Variants in AOPEP observed in about 807,000 individuals in gnomAD.
AOPEP encodes the protein aminopeptidase O (putative), also known as aminopeptidase O.
A neutral mutation model predicts 98.1 loss-of-function variants in AOPEP; 77 were observed. That is an observed-to-expected ratio of 0.78 (90% confidence interval 0.65 to 0.95). AOPEP has a LOEUF of 0.95. Ranked by LOEUF, AOPEP falls within the 40% of genes least tolerant of loss-of-function variation. AOPEP has a pLI of 0.00. For missense variants in AOPEP, 1,024 were observed against 1,024.7 expected (o/e 1.00, Z 0.01); for synonymous variants, 346 against 365.3 (o/e 0.95, Z 0.60).
chr9:94,912,802 C>T (rs2052265551), intron 5 of AOPEP, among the ~76,000 whole-genome samples: 1 of 152,166 alleles, frequency 6.6e-6, no homozygotes, highest in Non-Finnish European at 1.5e-5. Context: ...AACCCGTGAG[C>T]ATGAGGGGCA....
intron 15 of AOPEP, among the ~76,000 whole-genome samples, chr9:95,081,740 G>A (rs1037440294): frequency 6.6e-6 from 1 of 152,192 alleles, no homozygotes; most frequent in South Asian, 2.1e-4. Context: ...ATTTAGAATT[G>A]TGATCTTTGA....
At chr9:94,778,629 T>A (rs1842673788) in intron 3 of AOPEP, among the ~76,000 whole-genome samples, 1 of 152,088 alleles carries the variant, frequency 6.6e-6, no homozygotes, top group Non-Finnish European at 1.5e-5. Context: ...AAGAAATGAG[T>A]GCAAGGGTAC....
At chr9:94,865,310 T>G (rs1009150366) in intron 5 of AOPEP, among the ~76,000 whole-genome samples, 4 of 152,224 alleles carry the variant, frequency 2.6e-5, no homozygotes, top group Non-Finnish European at 4.4e-5. Context: ...TTGTGTGTCT[T>G]TGTTAAGAGC....
At position 94,846,062 on chromosome 9, in the gene AOPEP, T is replaced by C. The variant is rs575099485; in HGVS notation, c.1364+45060T>C. On this transcript the variant is annotated intron_variant, in intron 5 of 16. Transcript: ENST00000375315. ...GTGAGCTGAGATGGCGCCATTGCACTCCAGCCTGGGCGATGAGAGCGAGAC... is the reference window on the plus strand; with the variant it reads ...GTGAGCTGAGATGGCGCCATTGCACCCCAGCCTGGGCGATGAGAGCGAGAC... Among the ~76,000 whole-genome samples the C allele has an allele frequency of 4.0e-5, 6 of 150,476 alleles. No homozygotes were observed. The East Asian group carries it at 1.2e-3, about 29-fold the overall frequency.
downstream of AOPEP, among the ~76,000 whole-genome samples, chr9:95,088,484 T>C (rs2070818584): frequency 6.6e-6 from 1 of 151,364 alleles, no homozygotes; most frequent in Admixed American, 6.6e-5. Context: ...GCCGGGATTA[T>C]AGGCGTGAAC....
At chr9:95,009,131 C>T (rs1434361866) in intron 13 of AOPEP, among the ~76,000 whole-genome samples, 1 of 152,126 alleles carries the variant, frequency 6.6e-6, no homozygotes, top group Non-Finnish European at 1.5e-5. Flanking sequence ...GTGATTGCAA[C>T]AGTGGATTTT....
chr9:95,096,966 G>A, the AOPEP span, among the ~76,000 whole-genome samples: 126 of 152,336 alleles, frequency 8.3e-4, no homozygotes, highest in African/African-American at 2.9e-3. Context: ...TCGGTTGGAA[G>A]GGGATTGGGC....
chr9:95,109,968 G>A, the AOPEP span, among the ~76,000 whole-genome samples: 2 of 152,132 alleles, frequency 1.3e-5, no homozygotes, highest in Non-Finnish European at 1.5e-5. Flanking sequence ...CAATGCCTCA[G>A]GCAGGCACCA....
At chr9:95,123,461 G>A in the AOPEP span, 36 of 461,364 alleles carry the variant, frequency 7.8e-5, no homozygotes, top group Non-Finnish European at 1.3e-4. Flanking sequence ...GCAACATGGT[G>A]AAACCCCATC....
the AOPEP span, among the ~76,000 whole-genome samples, chr9:95,095,878 A>G: frequency 1.3e-5 from 2 of 152,224 alleles, no homozygotes; most frequent in African/African-American, 4.8e-5. Flanking sequence ...CCGGGGCTGG[A>G]CAGGGTGTGA....
chr9:94,887,935 G>A (rs2048420296), intron 5 of AOPEP, among the ~76,000 whole-genome samples: 1 of 152,162 alleles, frequency 6.6e-6, no homozygotes, highest in Non-Finnish European at 1.5e-5. Context: ...GTGAGCAGTG[G>A]GTTTTATTGG....
chr9:95,093,400 G>C, the AOPEP span, among the ~76,000 whole-genome samples: 2 of 152,154 alleles, frequency 1.3e-5, no homozygotes, highest in Admixed American at 1.3e-4. Context: ...CCACCACGGT[G>C]ACTACGGTGC....
At chr9:94,746,068 T>A (rs1005105434) in intron 1 of AOPEP, among the ~76,000 whole-genome samples, 5 of 152,206 alleles carry the variant, frequency 3.3e-5, no homozygotes, top group African/African-American at 1.2e-4. Context: ...TTTCGAGTGT[T>A]AGAATGAGAC....
At chr9:95,038,820 G>A (rs2065045952) in intron 13 of AOPEP, among the ~76,000 whole-genome samples, 1 of 152,200 alleles carries the variant, frequency 6.6e-6, no homozygotes, top group South Asian at 2.1e-4. Context: ...GACCCAAAGG[G>A]TGCTCATCAG....
At chr9:94,743,181 A>G (rs914968580) in intron 1 of AOPEP, among the ~76,000 whole-genome samples, 3 of 116,340 alleles carry the variant, frequency 2.6e-5, no homozygotes, top group African/African-American at 7.8e-5. Context: ...AAGAAGAAGA[A>G]GAAGAAGAAG....
At chr9:94,912,140 G>A (rs1329886130) in intron 5 of AOPEP, among the ~76,000 whole-genome samples, 1 of 152,176 alleles carries the variant, frequency 6.6e-6, no homozygotes, top group East Asian at 1.9e-4. Flanking sequence ...TGTTGCAGCT[G>A]CCCTAGGAAA....
chr9:95,121,366 C>CAT, the AOPEP span, among the ~76,000 whole-genome samples: 3 of 152,192 alleles, frequency 2.0e-5, no homozygotes, highest in African/African-American at 7.2e-5. Context: ...GAAGCACTGA[C>CAT]ATGAGTGCTT....
intron 15 of AOPEP, among the ~76,000 whole-genome samples, chr9:95,081,800 C>T (rs768999444): frequency 6.6e-6 from 1 of 151,980 alleles, no homozygotes; most frequent in Non-Finnish European, 1.5e-5. Context: ...ACTTTTGAAC[C>T]CTTAACTACG....
chr9:95,073,304 G>A (rs535441168), intron 14 of AOPEP, among the ~76,000 whole-genome samples: 27 of 152,310 alleles, frequency 1.8e-4, no homozygotes, highest in Non-Finnish European at 3.7e-4. Context: ...AGTGGGGCCT[G>A]GTTAGAGCAG....
Sources: gnomAD v4.1 joint callset for allele counts (sites outside exome capture counted in the v4.1 genomes callset) on GRCh38, gnomAD v4.1.1 for gene constraint, MANE v1.5 for transcripts, NCBI Gene and HGNC (gene_info 2026-07-23, HGNC 2026-07-21) for gene names.